Variants in SCHIP1 observed in about 807,000 individuals in gnomAD.
SCHIP1 encodes schwannomin interacting protein 1, also known as schwannomin-interacting protein 1.
A neutral mutation model predicts 29.7 loss-of-function variants in SCHIP1; 8 were observed. The observed-to-expected ratio is 0.27, with a 90% confidence interval of 0.16 to 0.49. The LOEUF is 0.49. Ranked by LOEUF, SCHIP1 falls within the 20% of genes least tolerant of loss-of-function variation. The pLI, the probability that SCHIP1 is intolerant of heterozygous loss-of-function variation, is 0.99. For missense variants in SCHIP1, 193 were observed against 294.6 expected (o/e 0.66, Z 2.52); for synonymous variants, 76 against 94.9 (o/e 0.80, Z 1.16).
At chr3:159,657,757 C>G in the SCHIP1 span, among the ~76,000 whole-genome samples, 1 of 152,220 alleles carries the variant, frequency 6.6e-6, no homozygotes, top group Admixed American at 6.5e-5. Flanking sequence ...GGCGGAGAAG[C>G]AACTGATAGG....
the SCHIP1 span, among the ~76,000 whole-genome samples, chr3:159,789,251 A>G: frequency 1.3e-5 from 2 of 152,144 alleles, no homozygotes; most frequent in Non-Finnish European, 2.9e-5. Context: ...TTGAGTCTAA[A>G]GGCTGTCTGG....
chr3:159,497,882 G>A, the SCHIP1 span, among the ~76,000 whole-genome samples: 2 of 152,154 alleles, frequency 1.3e-5, no homozygotes, highest in Admixed American at 6.6e-5. Context: ...CTGGCTCTCC[G>A]ATGTCAAGAA....
chr3:159,833,324 C>G, the SCHIP1 span, among the ~76,000 whole-genome samples: 10 of 152,210 alleles, frequency 6.6e-5, no homozygotes, highest in Non-Finnish European at 1.2e-4. Flanking sequence ...AGCCCACCTT[C>G]CTTGGCTTGT....
chr3:159,583,337 G>C, the SCHIP1 span, among the ~76,000 whole-genome samples: 1 of 152,160 alleles, frequency 6.6e-6, no homozygotes, highest in Middle Eastern at 3.4e-3. Context: ...GTGAATATTT[G>C]AGACCCACAA....
chr3:159,839,957 A>G (rs776880141), exon 1 of SCHIP1: 39 of 1,416,778 alleles, frequency 2.8e-5, no homozygotes, highest in Non-Finnish European at 3.4e-5. Flanking sequence ...AGCCTGCCTC[A>G]CTGGTTTCGG....
At chr3:159,648,921 T>C in the SCHIP1 span, among the ~76,000 whole-genome samples, 32 of 152,168 alleles carry the variant, frequency 2.1e-4, 1 homozygote, top group African/African-American at 7.5e-4. Flanking sequence ...TTGTTTAAGC[T>C]ATGGTTAATT....
At chr3:159,687,476 A>ATTCAAGGTT in the SCHIP1 span, among the ~76,000 whole-genome samples, 1 of 152,242 alleles carries the variant, frequency 6.6e-6, no homozygotes, top group East Asian at 1.9e-4. Context: ...TTGTTTTGAT[A>ATTCAAGGTT]TTCAAGGTTT....
At chr3:159,834,629 A>G in the SCHIP1 span, among the ~76,000 whole-genome samples, 1 of 152,198 alleles carries the variant, frequency 6.6e-6, no homozygotes, top group Non-Finnish European at 1.5e-5. Context: ...AGCATTCCTC[A>G]ACCCCAAAAT....
At chr3:159,395,529 T>C in the SCHIP1 span, among the ~76,000 whole-genome samples, 1 of 151,814 alleles carries the variant, frequency 6.6e-6, no homozygotes, top group Non-Finnish European at 1.5e-5. Flanking sequence ...GTCTTTGTTC[T>C]CGTTGGTTTC....
the SCHIP1 span, among the ~76,000 whole-genome samples, chr3:159,353,022 C>T: frequency 1.3e-5 from 2 of 152,198 alleles, no homozygotes; most frequent in East Asian, 3.9e-4. Context: ...GGGAGGAAGA[C>T]CACCTGTTCA....
At chr3:159,409,651 A>G in the SCHIP1 span, among the ~76,000 whole-genome samples, 6 of 152,172 alleles carry the variant, frequency 3.9e-5, no homozygotes, top group African/African-American at 1.4e-4. Context: ...AGAAATATGG[A>G]AAGATATTCC....
chr3:159,603,583 C>A, the SCHIP1 span, among the ~76,000 whole-genome samples: 1 of 152,114 alleles, frequency 6.6e-6, no homozygotes, highest in Admixed American at 6.6e-5. Context: ...GAGTGCTATG[C>A]CAGGAAACTG....
chr3:159,401,984 T>A, the SCHIP1 span, among the ~76,000 whole-genome samples: 2 of 151,770 alleles, frequency 1.3e-5, no homozygotes, highest in African/African-American at 4.8e-5. Context: ...ACCATCAGAG[T>A]GAACAGGCAA....
intron 1 of SCHIP1, among the ~76,000 whole-genome samples, chr3:159,848,637 T>C (rs527709564): frequency 6.6e-6 from 1 of 152,128 alleles, no homozygotes; most frequent in East Asian, 1.9e-4. Context: ...TTCTACACTT[T>C]AAGGTATATT....
chr3:159,479,874 C>G, the SCHIP1 span, among the ~76,000 whole-genome samples: 1 of 152,164 alleles, frequency 6.6e-6, no homozygotes, highest in East Asian at 1.9e-4. Flanking sequence ...AAGCTCTTTT[C>G]CTTACATCAT....
At chr3:159,427,061 A>G in the SCHIP1 span, among the ~76,000 whole-genome samples, 1 of 152,206 alleles carries the variant, frequency 6.6e-6, no homozygotes, top group Non-Finnish European at 1.5e-5. Flanking sequence ...ATCTATGACA[A>G]ACCCACAGCC....
At chr3:159,661,840 A>C in the SCHIP1 span, among the ~76,000 whole-genome samples, 1 of 152,218 alleles carries the variant, frequency 6.6e-6, no homozygotes, top group Admixed American at 6.5e-5. Context: ...CTTGCCCTCC[A>C]GGACTTTGGC....
chr3:159,696,150 C>T, the SCHIP1 span, among the ~76,000 whole-genome samples: 1 of 152,174 alleles, frequency 6.6e-6, no homozygotes, highest in Non-Finnish European at 1.5e-5. Context: ...GAATAATGTT[C>T]AAACTCCTTG....
chr3:159,880,553 A>G (rs967769937), intron 2 of SCHIP1, among the ~76,000 whole-genome samples: 5 of 152,186 alleles, frequency 3.3e-5, no homozygotes, highest in African/African-American at 1.2e-4. Context: ...GAACCATAAA[A>G]TGCCCTCAGG....
Sources: allele counts gnomAD v4.1 joint callset (sites outside exome capture counted in the v4.1 genomes callset), GRCh38; gene constraint gnomAD v4.1.1; transcripts MANE v1.5; gene names NCBI Gene and HGNC (gene_info 2026-07-23, HGNC 2026-07-21).